The following SYNE1 variants were observed in gnomAD, a reference collection of about 807,000 sequenced individuals.
SYNE1 encodes the protein nesprin-1.
SYNE1 carries 616 observed loss-of-function variants against 1,111.0 expected under a neutral mutation model. The ratio of observed to expected loss-of-function variants is 0.55; its 90% CI spans 0.52 to 0.59. The LOEUF is 0.59. Among genes scored for constraint, SYNE1 ranks in the 20% least tolerant of loss-of-function variants. The probability of loss-of-function intolerance (pLI) is 0.00; values close to 1 mark genes in which losing one functional copy is unlikely to be tolerated. For synonymous variants in SYNE1, 3,855 were observed against 3,825.8 expected (o/e 1.01, Z -0.28); for missense variants, 10,006 against 10,417.0 (o/e 0.96, Z 1.72).
At chr6:152,538,423 C>A (rs1390184937) in intron 4 of SYNE1, among the ~76,000 whole-genome samples, 1 of 152,062 alleles carries the variant, frequency 6.6e-6, no homozygotes, top group Non-Finnish European at 1.5e-5. Flanking sequence ...GAAATAGAGG[C>A]TCCAGAACAA....
At chr6:152,480,191 G>A (rs1429433309) in intron 14 of SYNE1, among the ~76,000 whole-genome samples, 3 of 152,204 alleles carry the variant, frequency 2.0e-5, no homozygotes, top group Non-Finnish European at 4.4e-5. Flanking sequence ...CTGAGTTGGT[G>A]CCATTGAGGA....
At position 152,242,473 on chromosome 6, in the gene SYNE1, A is replaced by G. The variant is rs761217992; in HGVS notation, c.19693-33T>C. ...GCAGAGACCACAAGACTCACTCTCA[A>G]TTCATATTCTGGCAACCCTCTAAAA... On this transcript the variant is annotated intron_variant, in intron 106 of 145. Transcript: ENST00000367255. 22 of 1,611,522 alleles carry G rather than the reference A, an allele frequency of 1.4e-5. No homozygotes were observed. The South Asian group carries it at 2.0e-4, about 14-fold the overall frequency.
chr6:152,425,491 C>T lies in SYNE1; in HGVS notation c.5157G>A (p.Leu1719=), dbSNP rs771748876. 8.1e-6 allele frequency: 13 copies of T among 1,614,184 alleles called. No homozygotes were observed. Among genetic ancestry groups the T allele is most frequent in the East Asian group, 6.7e-5 (3 of 44,870 alleles). The change falls in exon 39 of 146, where the codon TTG becomes TTA. Residue 1719 remains leucine, a synonymous_variant. Coordinates refer to ENST00000367255, the MANE Select transcript of SYNE1 (RefSeq NM_182961.4). ...QASFYSKLLQ[L]KESLFSVASK... The stretch of plus-strand genomic sequence containing the variant: ...AGGCTACTGAGAACAATGATTCCTT[C>T]AATTGCAAAAGTTTGCTATAGAATG...
intron 24 of SYNE1, among the ~76,000 whole-genome samples, chr6:152,454,996 T>C (rs909391123): frequency 1.3e-5 from 2 of 152,188 alleles, no homozygotes; most frequent in Admixed American, 1.3e-4. Context: ...AACATGAAGA[T>C]ACTGGGACAA....
In SYNE1 at chr6:152,242,318, A is replaced by G. The variant is rs776418227; in HGVS notation, c.19815T>C (p.Gly6605=). 1.2e-6 allele frequency: 2 copies of G among 1,613,984 alleles called. No homozygotes were observed. Among genetic ancestry groups the G allele is most frequent in the Admixed American group, 3.3e-5 (2 of 60,002 alleles). The part of the protein sequence containing the change: ...LQDLADLLET[G]QEKMAGDQKI... ...TCTGGTCTCCTGCCATCTTCTCCTG[A>G]CCAGTTTCTAGCAGGTCAGCCAGAT... Residue 6605 remains glycine (G), a synonymous_variant, in exon 107 of 146, where the codon GGT becomes GGC. Transcript: ENST00000367255.
At position 152,558,321 on chromosome 6, in the gene SYNE1, G is replaced by T. The variant is rs112030026; in HGVS notation, c.68-18300C>A. 5.2e-3 allele frequency among the ~76,000 whole-genome samples: 798 copies of T among 152,288 alleles called. 9 individuals carry two copies. The highest frequency in any genetic ancestry group is 0.018 in the African/African-American group (753 of 41,572). ...CAAAATAGAAAACAACAGTTTGTCA[G>T]TACTGGGTCCTTGCCTACCAATAAT... On this transcript the variant is annotated intron_variant, in intron 3 of 145. Transcript: ENST00000367255.
At chr6:152,304,186 G>A (rs771689310) in intron 91 of SYNE1, among the ~76,000 whole-genome samples, 2 of 152,146 alleles carry the variant, frequency 1.3e-5, no homozygotes, top group African/African-American at 2.4e-5. Context: ...TGGCTAGCAC[G>A]TGGGTACTCA....
intron 3 of SYNE1, among the ~76,000 whole-genome samples, chr6:152,603,538 T>G (rs818451): frequency 0.63 from 95,309 of 151,604 alleles, 30,083 homozygotes; most frequent in Non-Finnish European, 0.67. Context: ...GTGACAGGAG[T>G]TATTCTGTTT....
chr6:152,553,114 G>C (rs1394807536), intron 3 of SYNE1, among the ~76,000 whole-genome samples: 1 of 152,126 alleles, frequency 6.6e-6, no homozygotes, highest in Non-Finnish European at 1.5e-5. Context: ...ATAACCGTAT[G>C]AGAAAATATC....
chr6:152,145,500 G>A, intron 137 of SYNE1: 1 of 1,613,972 alleles, frequency 6.2e-7, no homozygotes, highest in African/African-American at 1.3e-5. Flanking sequence ...AGGTATTTTT[G>A]ATTGCATTTT....
rs2097100612 is a variant in SYNE1, at chr6:152,367,399, T to C, written c.9808-17A>G. On this transcript the variant is annotated splice_polypyrimidine_tract_variant and intron_variant, in intron 61 of 145. Transcript: ENST00000367255. ...CACTTTCTCCTGGAAATGACAGAAATGGTTTTCGAGCTGTCCATCCCACAG... is the reference window on the plus strand; with the variant it reads ...CACTTTCTCCTGGAAATGACAGAAACGGTTTTCGAGCTGTCCATCCCACAG... 6.2e-7 allele frequency: 1 copy of C among 1,613,264 alleles called. No homozygotes were observed. The highest frequency in any genetic ancestry group is 8.5e-7 in the Non-Finnish European group (1 of 1,180,020).
At chr6:152,300,911 C>G (rs1459204539) in intron 92 of SYNE1, 130 bp from the exon 93 acceptor site, 7 of 1,222,374 alleles carry the variant, frequency 5.7e-6, no homozygotes, top group African/African-American at 1.5e-5. Flanking sequence ...CCCGAATTCA[C>G]ATATTAATCC....
chr6:152,368,998 A>C lies in SYNE1; in HGVS notation c.9781T>G (p.Tyr3261Asp). Residue 3261 changes from tyrosine (Y) to aspartate (D), a missense_variant, in exon 61 of 146, where the codon TAT becomes GAT. Tyr to Asp is a radical substitution (Grantham distance 160). Around this residue, in one of 7 missense-constraint regions of SYNE1, gnomAD observed 4,955 missense variants for 5,017.2 expected, o/e 0.99. Transcript: ENST00000367255. ...RHRVSQLSSQ[Y>D]LALSNLTKEK... ...TTTGTTAAATTGCTTAGCGCTAGATACTGAGAAGACAGCTGCGACACTCTG... is the reference window on the plus strand; with the variant it reads ...TTTGTTAAATTGCTTAGCGCTAGATCCTGAGAAGACAGCTGCGACACTCTG... 6.2e-7 allele frequency: 1 copy of C among 1,614,232 alleles called. No homozygotes were observed. The highest frequency in any genetic ancestry group is 8.5e-7 in the Non-Finnish European group (1 of 1,180,040).
intron 131 of SYNE1, 144 bp from the exon 132 acceptor site, chr6:152,156,241 T>A: frequency 1.0e-6 from 1 of 978,754 alleles, no homozygotes; most frequent in Non-Finnish European, 1.6e-6. Context: ...TTGAGCCTCA[T>A]TTATGAAATC....
intron 145 of SYNE1, chr6:152,125,601 CA>C: frequency 2.5e-6 from 1 of 405,762 alleles, no homozygotes; most frequent in Non-Finnish European, 4.4e-6. Flanking sequence ...TATGCCCTGG[CA>C]ACCAACACTC....
At position 152,362,213 on chromosome 6, in the gene SYNE1, T is replaced by C. The variant is rs2096943947; in HGVS notation, c.10256A>G (p.His3419Arg). The stretch of plus-strand genomic sequence containing the variant: ...CGTTGTTTTATCCCGCAGCTCCGCA[T>C]GCTGCCTTTCTGATTCATTCAGGTT... ...EANLNESERQHAELRDKTTML... is the reference protein window; with the variant it reads ...EANLNESERQRAELRDKTTML... Residue 3419 changes from histidine to arginine, a missense_variant, in exon 64 of 146, where the codon CAT (histidine) becomes CGT (arginine). Transcript: ENST00000367255. 6.2e-7 allele frequency: 1 copy of C among 1,614,244 alleles called. No homozygotes were observed. Among genetic ancestry groups the C allele is most frequent in the Non-Finnish European group, 8.5e-7 (1 of 1,180,046 alleles).
At chr6:152,271,957 G>A (rs1374998576) in intron 98 of SYNE1, among the ~76,000 whole-genome samples, 2 of 152,144 alleles carry the variant, frequency 1.3e-5, no homozygotes, top group African/African-American at 2.4e-5. Flanking sequence ...AGCCCAACAC[G>A]CTCTTCTACA....
In SYNE1 at chr6:152,407,062, G is replaced by A. The variant is rs1347649397; in HGVS notation, c.6675C>T (p.Ser2225=). Reference sequence around the variant, plus strand: ...CAGCTCTGAGGTGGTTATCCAGGTTGCTGATGTTTTCTGCCATCTGTGGAA... The same window carrying A: ...CAGCTCTGAGGTGGTTATCCAGGTTACTGATGTTTTCTGCCATCTGTGGAA... ...NCVPQMAENI[S]NLDNHLRAEE... Residue 2225 remains serine, a synonymous_variant, in exon 45 of 146, where the codon AGC becomes AGT. Coordinates refer to ENST00000367255, the MANE Select transcript of SYNE1 (RefSeq NM_182961.4). 1.2e-6 allele frequency: 2 copies of A among 1,613,478 alleles called. No homozygotes were observed. Among genetic ancestry groups the A allele is most frequent in the Non-Finnish European group, 8.5e-7 (1 of 1,179,958 alleles).
At chr6:152,125,408 G>T in intron 145 of SYNE1, 1 of 1,509,888 alleles carries the variant, frequency 6.6e-7, no homozygotes. Flanking sequence ...GTGTGGACGT[G>T]GGGACATTTT....
Sources: gnomAD v4.1 joint callset for allele counts (sites outside exome capture counted in the v4.1 genomes callset) on GRCh38, gnomAD v4.1.1 for gene constraint, gnomAD v4.1.1 regional missense constraint, MANE v1.5 for transcripts, NCBI Gene and HGNC (gene_info 2026-07-23, HGNC 2026-07-21) for gene names.